The following STK35 variants were observed in gnomAD, a reference collection of about 807,000 sequenced individuals.
STK35 encodes serine/threonine-protein kinase 35.
In STK35, 17 loss-of-function variants were observed where a neutral mutation model predicts 37.3. That is an observed-to-expected ratio of 0.46 (90% confidence interval 0.31 to 0.68). The LOEUF is 0.68. Ranked by LOEUF, STK35 falls within the 30% of genes least tolerant of loss-of-function variation. The pLI is 0.05. For synonymous variants in STK35, 385 were observed against 319.1 expected (o/e 1.21, Z -2.20); for missense variants, 595 against 746.7 (o/e 0.80, Z 2.37).
intron 3 of STK35, among the ~76,000 whole-genome samples, chr20:2,128,866 G>C (rs916002723): frequency 6.6e-6 from 1 of 152,084 alleles, no homozygotes; most frequent in African/African-American, 2.4e-5. Flanking sequence ...TTTTGAGGTG[G>C]AGTCTCGCTC....
At chr20:2,135,993 C>T (rs1004632286) in intron 3 of STK35, among the ~76,000 whole-genome samples, 1 of 151,958 alleles carries the variant, frequency 6.6e-6, no homozygotes, top group Non-Finnish European at 1.5e-5. Flanking sequence ...GGCCCTATCT[C>T]AGAAAAAAAA....
Position 2,117,067 on chromosome 20 carries a change from A to T in STK35, c.1294A>T (p.Thr432Ser). 1 of 1,614,152 alleles carries T rather than the reference A, an allele frequency of 6.2e-7. No individual in the cohort carries two copies. The highest frequency in any genetic ancestry group is 8.5e-7 in the Non-Finnish European group (1 of 1,180,006). The change falls in exon 3 of 4, where the codon ACA becomes TCA. Residue 432 changes from threonine to serine, a missense_variant. Around this residue, in one of 3 missense-constraint regions of STK35, gnomAD observed 109 missense variants for 280.3 expected, o/e 0.39. Coordinates refer to ENST00000381482, the MANE Select transcript of STK35 (RefSeq NM_080836.4). This position sits in a 1 kb window ranked among gnomAD's most constrained non-coding sequence, Gnocchi z 4.4. The stretch of plus-strand genomic sequence containing the variant: ...TCCTGAAGTCTGGGAGGGACACTAC[A>T]CAGCCAAGGCGGACATCTTTGCCCT... ...MAPEVWEGHY[T>S]AKADIFALGI... is the part of the protein sequence containing the mutation.
chr20:2,121,844 A>C (rs192539984), intron 3 of STK35, among the ~76,000 whole-genome samples: 1 of 152,274 alleles, frequency 6.6e-6, no homozygotes, highest in Non-Finnish European at 1.5e-5. Flanking sequence ...ACTCATGAAC[A>C]ATTTTGGTGG....
At chr20:2,135,185 C>G (rs146877898) in intron 3 of STK35, among the ~76,000 whole-genome samples, 1 of 152,246 alleles carries the variant, frequency 6.6e-6, no homozygotes, top group Non-Finnish European at 1.5e-5. Context: ...CCTGGGAGCA[C>G]ATTCCTATGA....
intron 3 of STK35, among the ~76,000 whole-genome samples, chr20:2,136,587 ATTT>A (rs35076007): frequency 0.064 from 9,726 of 152,242 alleles, 408 homozygotes; most frequent in Non-Finnish European, 0.091. Context: ...AAAGGCAGAG[ATTT>A]TTTTATAATC....
Position 2,147,127 on chromosome 20 carries a change from C to T in STK35, c.*3381C>T, listed in dbSNP as rs1366505747. ...GATTTGACTCTGGACAGGGCCTGGC[C>T]TCCTTAGTGGCACTGCCGGGGGGCC... On this transcript the variant is annotated 3_prime_UTR_variant, in exon 4 of 4. Transcript: ENST00000381482. 6.5e-6 allele frequency: 1 copy of T among 152,808 alleles called. No homozygotes were observed. Among genetic ancestry groups the T allele is most frequent in the Non-Finnish European group, 1.5e-5 (1 of 68,146 alleles). The allele number at this position is 152,808 out of a possible 1,614,324, so 9.5% of individuals were successfully genotyped here.
chr20:2,130,803 G>A (rs1242752056), intron 3 of STK35, among the ~76,000 whole-genome samples: 1 of 152,152 alleles, frequency 6.6e-6, no homozygotes, highest in East Asian at 1.9e-4. Flanking sequence ...CTGAGGGGCG[G>A]CCCTCCAACC....
chr20:2,139,914 C>G (rs1452702098), intron 3 of STK35, among the ~76,000 whole-genome samples: 4 of 152,158 alleles, frequency 2.6e-5, no homozygotes, highest in Admixed American at 2.0e-4. Flanking sequence ...CCTTCCACCC[C>G]CAAGGTCATC....
chr20:2,116,517 T>A (rs1985719857), intron 2 of STK35, 149 bp from the exon 3 acceptor site: 6 of 858,216 alleles, frequency 7.0e-6, no homozygotes, highest in African/African-American at 1.7e-5. Context: ...TGTCATACCT[T>A]AGAAAGGCAC....
intron 2 of STK35, among the ~76,000 whole-genome samples, chr20:2,108,034 A>G (rs1985549113): frequency 6.6e-6 from 1 of 152,210 alleles, no homozygotes; most frequent in Non-Finnish European, 1.5e-5. Flanking sequence ...TACCAAGGTT[A>G]GTGAAATTGC....
chr20:2,102,201 G>C (rs1191715382), intron 1 of STK35, 26 bp downstream of exon 1: 1 of 1,367,066 alleles, frequency 7.3e-7, no homozygotes, highest in Admixed American at 3.4e-5. Flanking sequence ...GAGGACTGAA[G>C]GCCAGCGCCG....
intron 3 of STK35, among the ~76,000 whole-genome samples, chr20:2,122,383 C>T (rs1985834641): frequency 6.6e-6 from 1 of 152,176 alleles, no homozygotes; most frequent in Non-Finnish European, 1.5e-5. Context: ...GACCCCTATA[C>T]CACCAAGATG....
chr20:2,114,433 G>T (rs926388661), intron 2 of STK35, among the ~76,000 whole-genome samples: 1 of 152,124 alleles, frequency 6.6e-6, no homozygotes, highest in South Asian at 2.1e-4. Flanking sequence ...GACAGAGTGA[G>T]ACCTTGACTC....
rs1985431708 is a variant in STK35 at position 2,102,947 on chromosome 20, G to A, written c.474G>A (p.Arg158=). 2.0e-6 allele frequency: 3 copies of A among 1,496,858 alleles called. No individual in the cohort carries two copies. The highest frequency in any genetic ancestry group is 2.7e-6 in the Non-Finnish European group (3 of 1,129,242). The allele number at this position is 1,496,858 out of a possible 1,614,324, so 92.7% of individuals were successfully genotyped here. The change falls in exon 2 of 4, where the codon CGG becomes CGA. Residue 158 remains arginine, a synonymous_variant. Coordinates refer to ENST00000381482, the MANE Select transcript of STK35 (RefSeq NM_080836.4). ...PERKRRSPVP[R]APSTKLRPAA... is the part of the protein sequence containing the mutation. ...GGAAAAGGCGAAGCCCAGTGCCGCGGGCGCCCAGCACGAAGCTGAGGCCGG... is the reference window on the plus strand; with the variant it reads ...GGAAAAGGCGAAGCCCAGTGCCGCGAGCGCCCAGCACGAAGCTGAGGCCGG...
intron 3 of STK35, among the ~76,000 whole-genome samples, chr20:2,119,072 T>C (rs1985771193): frequency 6.6e-6 from 1 of 152,244 alleles, no homozygotes; most frequent in Non-Finnish European, 1.5e-5. Flanking sequence ...TTTCTCCATC[T>C]TCATGAATTC....
At chr20:2,104,403 A>G (rs1293860920) in intron 2 of STK35, among the ~76,000 whole-genome samples, 3 of 152,208 alleles carry the variant, frequency 2.0e-5, no homozygotes, top group Non-Finnish European at 4.4e-5. Flanking sequence ...TTTTCTATAA[A>G]TAAACTAAGG....
chr20:2,121,534 A>G (rs900689347), intron 3 of STK35, among the ~76,000 whole-genome samples: 1 of 152,192 alleles, frequency 6.6e-6, no homozygotes, highest in African/African-American at 2.4e-5. Flanking sequence ...AAAGTTTGGC[A>G]TGCCTATTTA....
chr20:2,142,190 G>A (rs1048754299), intron 3 of STK35, among the ~76,000 whole-genome samples: 12 of 152,208 alleles, frequency 7.9e-5, no homozygotes. Flanking sequence ...GGCCAGGAAG[G>A]GGTAGAGTCA....
At chr20:2,142,725 C>T (rs1986191675) in intron 3 of STK35, among the ~76,000 whole-genome samples, 1 of 152,218 alleles carries the variant, frequency 6.6e-6, no homozygotes, top group Non-Finnish European at 1.5e-5. Context: ...GCACTGTACT[C>T]CAGCCTGGGT....
Sources: allele counts gnomAD v4.1 joint callset (sites outside exome capture counted in the v4.1 genomes callset), GRCh38; gene constraint gnomAD v4.1.1; regional missense constraint gnomAD v4.1.1; non-coding constraint Gnocchi (gnomAD v3.1); transcripts MANE v1.5; gene names NCBI Gene and HGNC (gene_info 2026-07-23, HGNC 2026-07-21).